TENM2: variants seen among roughly 807,000 people sequenced by gnomAD.
TENM2 encodes teneurin-2.
A neutral mutation model predicts 245.2 loss-of-function variants in TENM2; 52 were observed. The observed-to-expected ratio is 0.21, with a 90% CI of 0.17 to 0.27. The LOEUF is 0.27. TENM2 is among the 10% of genes least tolerant of loss of function. The pLI is 1.00. For synonymous variants in TENM2, 1,363 were observed against 1,438.9 expected (o/e 0.95, Z 1.19); for missense variants, 3,046 against 3,666.8 (o/e 0.83, Z 4.37).
At chr5:167,453,064 A>C (rs1765710090) in intron 2 of TENM2, among the ~76,000 whole-genome samples, 1 of 150,394 alleles carries the variant, frequency 6.6e-6, no homozygotes, top group East Asian at 2.0e-4. Context: ...ACAGCATGTC[A>C]GATTTCCATG....
At chr5:167,288,558 CA>C (rs58929279) in intron 1 of TENM2, among the ~76,000 whole-genome samples, 15,766 of 93,516 alleles carry the variant, frequency 0.17, 889 homozygotes, top group East Asian at 0.3. Flanking sequence ...GACTCCGTCT[CA>C]AAAAAAAAAA....
the TENM2 span, among the ~76,000 whole-genome samples, chr5:167,188,505 C>T: frequency 6.6e-6 from 1 of 152,116 alleles, no homozygotes; most frequent in Non-Finnish European, 1.5e-5. Flanking sequence ...TTATAGGAAA[C>T]CCTTCACTCA....
chr5:167,974,088 AG>A lies in TENM2; in HGVS notation c.948-18853del, dbSNP rs1339136501. 1.6e-3 allele frequency among the ~76,000 whole-genome samples: 8 copies of A among 4,898 alleles called. 1 individual carries two copies. The highest frequency in any genetic ancestry group is 2.4e-3 in the Non-Finnish European group (7 of 2,916). 3.2% of individuals were successfully genotyped at this position (4,898 alleles called of 152,430 possible). On this transcript the variant is annotated intron_variant, in intron 4 of 28. Transcript: ENST00000518659. ...GAGGGAGGGAGGAAGGAAGGAAGGA[AG>A]GGAAGGAAGGAAGGGAGGAAAGGAG...
At chr5:168,122,456 G>A (rs1795535750) in intron 10 of TENM2, among the ~76,000 whole-genome samples, 1 of 152,140 alleles carries the variant, frequency 6.6e-6, no homozygotes, top group Non-Finnish European at 1.5e-5. Context: ...GATTACAAGT[G>A]TGAGTCACCA....
chr5:167,017,800 G>A, the TENM2 span, among the ~76,000 whole-genome samples: 4 of 152,260 alleles, frequency 2.6e-5, no homozygotes, highest in African/African-American at 9.6e-5. Flanking sequence ...CTTATTGCGT[G>A]ATGCCATAGC....
At chr5:167,730,188 G>A (rs1760320391) in intron 2 of TENM2, among the ~76,000 whole-genome samples, 1 of 152,174 alleles carries the variant, frequency 6.6e-6, no homozygotes, top group African/African-American at 2.4e-5. Context: ...GCATACTACA[G>A]AAACCTATTT....
At chr5:167,111,679 T>C in the TENM2 span, among the ~76,000 whole-genome samples, 2 of 152,210 alleles carry the variant, frequency 1.3e-5, no homozygotes, top group Admixed American at 1.3e-4. Flanking sequence ...TTTAGTTCTG[T>C]CTCTTTACTT....
intron 2 of TENM2, among the ~76,000 whole-genome samples, chr5:167,545,504 A>T (rs537832151): frequency 6.6e-6 from 1 of 152,332 alleles, no homozygotes; most frequent in African/African-American, 2.4e-5. Flanking sequence ...TTTTTAAAAG[A>T]TTTAATTGTC....
At chr5:167,002,692 G>A in the TENM2 span, among the ~76,000 whole-genome samples, 2 of 151,558 alleles carry the variant, frequency 1.3e-5, no homozygotes, top group South Asian at 4.2e-4. Context: ...CCTGTTCTTC[G>A]AGCCCAGGAG....
intron 2 of TENM2, among the ~76,000 whole-genome samples, chr5:167,776,161 C>CCACACACACACACA (rs66740766): frequency 0.1 from 13,497 of 132,902 alleles, 807 homozygotes; most frequent in African/African-American, 0.11. Context: ...AAAAAAAAAT[C>CCACACACACACACA]CACACACACA....
At chr5:167,746,710 A>AGAGAGAGAGCGAGCGAGC (rs761614775) in intron 2 of TENM2, among the ~76,000 whole-genome samples, 3 of 144,862 alleles carry the variant, frequency 2.1e-5, no homozygotes, top group Non-Finnish European at 4.5e-5. Flanking sequence ...AGAGAGAGAG[A>AGAGAGAGAGCGAGCGAGC]GAGAGCTGGA....
chr5:167,298,138 C>A (rs573432550), intron 1 of TENM2, among the ~76,000 whole-genome samples: 2 of 152,060 alleles, frequency 1.3e-5, no homozygotes, highest in South Asian at 2.1e-4. Context: ...TAATGGGCGA[C>A]GTTTCTCAGG....
chr5:167,623,191 A>T lies in TENM2; in HGVS notation c.502+247718A>T, dbSNP rs536274979. Reference sequence around the variant, plus strand: ...AACTGCTTTGAATGTAGATCATTGAATAAGTCCCCCTCCTCTGAAATAAAA... The same window carrying T: ...AACTGCTTTGAATGTAGATCATTGATTAAGTCCCCCTCCTCTGAAATAAAA... On this transcript the variant is annotated intron_variant, in intron 2 of 28. Transcript: ENST00000518659. Among the ~76,000 whole-genome samples, 1,210 of 152,226 alleles carry T rather than the reference A, an allele frequency of 7.9e-3. 19 individuals carry two copies. The highest frequency in any genetic ancestry group is 0.028 in the African/African-American group (1,157 of 41,538).
the TENM2 span, among the ~76,000 whole-genome samples, chr5:167,009,719 G>C: frequency 1.3e-5 from 2 of 152,086 alleles, no homozygotes; most frequent in African/African-American, 4.8e-5. Flanking sequence ...TCACAGGGAA[G>C]GAGCAACCCT....
chr5:167,573,745 G>A (rs964564207), intron 2 of TENM2, among the ~76,000 whole-genome samples: 2 of 152,058 alleles, frequency 1.3e-5, no homozygotes, highest in Admixed American at 1.3e-4. Context: ...TTGATCGAGC[G>A]TTCCTTTTCT....
chr5:167,996,699 G>A (rs77491435), intron 5 of TENM2, among the ~76,000 whole-genome samples: 1 of 149,604 alleles, frequency 6.7e-6, no homozygotes, highest in African/African-American at 2.5e-5. Context: ...AGAACTAGAA[G>A]CATTTCCATT....
the TENM2 span, among the ~76,000 whole-genome samples, chr5:167,211,419 A>T: frequency 9.1e-3 from 1,380 of 152,352 alleles, 21 homozygotes; most frequent in African/African-American, 0.032. Context: ...TATCATTGAG[A>T]TATCTATGTG....
At chr5:167,071,342 T>G in the TENM2 span, among the ~76,000 whole-genome samples, 1 of 152,174 alleles carries the variant, frequency 6.6e-6, no homozygotes, top group African/African-American at 2.4e-5. Flanking sequence ...GGACATCTAA[T>G]TATTCCAAGG....
intron 9 of TENM2, among the ~76,000 whole-genome samples, chr5:168,112,062 G>T (rs896398888): frequency 1.3e-5 from 2 of 152,094 alleles, no homozygotes; most frequent in African/African-American, 4.8e-5. Flanking sequence ...TCACAGAGAA[G>T]ATATTAATTC....
Sources: allele counts gnomAD v4.1 joint callset (sites outside exome capture counted in the v4.1 genomes callset), GRCh38; gene constraint gnomAD v4.1.1; transcripts MANE v1.5; gene names NCBI Gene and HGNC (gene_info 2026-07-23, HGNC 2026-07-21).